ABCC11: variants seen among roughly 807,000 people sequenced by gnomAD.
The protein encoded by ABCC11 is ATP-binding cassette sub-family C member 11.
A neutral mutation model predicts 149.3 loss-of-function variants in ABCC11; 135 were observed. The ratio of observed to expected loss-of-function variants is 0.90; its 90% CI spans 0.79 to 1.04. The LOEUF (loss-of-function observed/expected upper bound fraction) is 1.04, where lower values mean the gene tolerates loss of function less well. Among genes scored for constraint, ABCC11 ranks in the 50% least tolerant of loss-of-function variants. The probability of loss-of-function intolerance (pLI) is 0.00; values close to 1 mark genes in which losing one functional copy is unlikely to be tolerated. For missense variants in ABCC11, 1,680 were observed against 1,722.1 expected (o/e 0.98, Z 0.43); for synonymous variants, 665 against 671.4 (o/e 0.99, Z 0.15).
Position 48,193,985 on chromosome 16 carries a change from G to A in ABCC11, c.2405-3C>T. On this transcript the variant is annotated splice_polypyrimidine_tract_variant and splice_region_variant and intron_variant, in intron 18 of 29. Transcript: ENST00000356608. ...AATTATGCAAGAGACCATGTAACCT[G>A]GGAGGGAGACAGTGGTGATGTACAA... 6.2e-7 allele frequency: 1 copy of A among 1,605,398 alleles called. No individual in the cohort carries two copies. Among genetic ancestry groups the A allele is most frequent in the Non-Finnish European group, 8.5e-7 (1 of 1,172,328 alleles).
chr16:48,234,147 G>A (rs1970567106), intron 1 of ABCC11, among the ~76,000 whole-genome samples: 1 of 152,152 alleles, frequency 6.6e-6, no homozygotes, highest in Admixed American at 6.5e-5. Flanking sequence ...ACCCATCATG[G>A]CCGATTTCGT....
At chr16:48,214,311 G>C (rs1400677909) in intron 9 of ABCC11, among the ~76,000 whole-genome samples, 1 of 152,038 alleles carries the variant, frequency 6.6e-6, no homozygotes, top group Non-Finnish European at 1.5e-5. Context: ...GCCAAGCAGA[G>C]GGGCCAGCCA....
intron 26 of ABCC11, among the ~76,000 whole-genome samples, chr16:48,171,773 G>A (rs970037301): frequency 6.6e-6 from 1 of 152,120 alleles, no homozygotes; most frequent in Admixed American, 6.5e-5. Context: ...AGACCAGCCT[G>A]GCCAACATGG....
chr16:48,171,610 A>C (rs1965728171), intron 26 of ABCC11, among the ~76,000 whole-genome samples: 1 of 152,252 alleles, frequency 6.6e-6, no homozygotes. Context: ...TGTACAATTC[A>C]GCAGCATTAA....
At chr16:48,230,856 T>C (rs1486181598) in intron 2 of ABCC11, among the ~76,000 whole-genome samples, 1 of 152,168 alleles carries the variant, frequency 6.6e-6, no homozygotes, top group Non-Finnish European at 1.5e-5. Flanking sequence ...GTGCCATAGT[T>C]AGTTACCTGC....
At chr16:48,185,397 G>A (rs1387496457) in intron 22 of ABCC11, among the ~76,000 whole-genome samples, 1 of 152,060 alleles carries the variant, frequency 6.6e-6, no homozygotes. Context: ...TTCCAACCAA[G>A]AAACCTACCA....
In ABCC11 at chr16:48,167,093, G is replaced by A; in HGVS notation, c.*181C>T. 1 of 601,984 alleles carries A rather than the reference G, an allele frequency of 1.7e-6. No homozygotes were observed. Among genetic ancestry groups the A allele is most frequent in the Non-Finnish European group, 3.0e-6 (1 of 335,026 alleles). 37.3% of individuals were successfully genotyped at this position (601,984 alleles called of 1,614,324 possible). A position where few individuals can be genotyped will look rare whatever the true frequency, so the allele number is the denominator to read the frequency against. On this transcript the variant is annotated 3_prime_UTR_variant, in exon 30 of 30. Coordinates refer to ENST00000356608, the MANE Select transcript of ABCC11 (RefSeq NM_001370497.1). ...GTTCTGGGGTTCTAAGGTCTTGAGA[G>A]CCATCAAGTAGCCTATTCCAGGGTT...
chr16:48,202,543 G>A (rs961022729), intron 14 of ABCC11, among the ~76,000 whole-genome samples: 3 of 151,810 alleles, frequency 2.0e-5, no homozygotes, highest in Non-Finnish European at 4.4e-5. Flanking sequence ...TCTGGGAGGT[G>A]GAGGTTGCAG....
intron 26 of ABCC11, among the ~76,000 whole-genome samples, chr16:48,172,469 C>T (rs72802152): frequency 6.7e-5 from 10 of 149,460 alleles, no homozygotes; most frequent in East Asian, 3.9e-4. Flanking sequence ...ACTCTGTCTA[C>T]GAGGCTGGAG....
chr16:48,172,902 A>T (rs1965811247), intron 26 of ABCC11, among the ~76,000 whole-genome samples: 1 of 152,200 alleles, frequency 6.6e-6, no homozygotes, highest in South Asian at 2.1e-4. Flanking sequence ...AACAGGCAGC[A>T]CTATAGACAC....
In ABCC11 at chr16:48,186,332, C is replaced by T. The variant is rs147068523; in HGVS notation, c.3071+621G>A. Among the ~76,000 whole-genome samples, 566 of 152,336 alleles carry T rather than the reference C, an allele frequency of 3.7e-3. 6 individuals carry two copies. The highest frequency in any genetic ancestry group is 0.013 in the African/African-American group (551 of 41,580). ...GAATTCCCAAGCAGTTTATCTGCCC[C>T]TCTCTTATGCTATCTACCTTCTTCA... On this transcript the variant is annotated intron_variant, in intron 22 of 29. Transcript: ENST00000356608.
intron 15 of ABCC11, among the ~76,000 whole-genome samples, chr16:48,198,759 C>A (rs1324401344): frequency 6.6e-6 from 1 of 151,368 alleles, no homozygotes; most frequent in East Asian, 1.9e-4. Context: ...AGTTATAAGG[C>A]TGGGTGCAGT....
intron 14 of ABCC11, among the ~76,000 whole-genome samples, chr16:48,201,424 G>C (rs1324342293): frequency 6.6e-6 from 1 of 151,868 alleles, no homozygotes; most frequent in Non-Finnish European, 1.5e-5. Flanking sequence ...GGGACTACAG[G>C]CGGTGCCATC....
Position 48,169,225 on chromosome 16 carries a change from G to A in ABCC11, c.3891+880C>T, listed in dbSNP as rs576767513. 2.6e-5 allele frequency among the ~76,000 whole-genome samples: 4 copies of A among 152,322 alleles called. No individual in the cohort carries two copies. In the South Asian group the frequency reaches 6.2e-4, roughly 24 times the overall value. ...AATGTGTTGTGTTTTTCTGAGAAAA[G>A]AGGATCATCATTTGGTCTAGTTGGA... On this transcript the variant is annotated intron_variant, in intron 28 of 29. Coordinates refer to ENST00000356608, the MANE Select transcript of ABCC11 (RefSeq NM_001370497.1).
chr16:48,201,748 G>A (rs1166848210), intron 14 of ABCC11, among the ~76,000 whole-genome samples: 1 of 152,142 alleles, frequency 6.6e-6, no homozygotes, highest in African/African-American at 2.4e-5. Flanking sequence ...CTTTACTGAC[G>A]CTGGAAGGAC....
In ABCC11 at chr16:48,178,685, A is replaced by G. The variant is rs139940513; in HGVS notation, c.3260T>C (p.Leu1087Pro). Reference sequence around the variant, plus strand: ...GGCAGTGGCCTGGAAGCTGGACGCCAGCTAGAAGGAAGGAGAAGTATCGGG... The same window carrying G: ...GGCAGTGGCCTGGAAGCTGGACGCCGGCTAGAAGGAAGGAGAAGTATCGGG... ...KVMAVNIVLQ[L>P]ASSFQATARI... Residue 1087 changes from leucine to proline, a missense_variant and splice_region_variant, in exon 24 of 30, where the codon CTG (leucine) becomes CCG (proline). Leu to Pro is a moderately conservative substitution (Grantham distance 98). Coordinates refer to ENST00000356608, the MANE Select transcript of ABCC11 (RefSeq NM_001370497.1). The G allele has an allele frequency of 6.2e-7, 1 of 1,614,114 alleles. No homozygotes were observed. Among genetic ancestry groups the G allele is most frequent in the Non-Finnish European group, 8.5e-7 (1 of 1,179,976 alleles).
At chr16:48,199,169 T>A (rs1032389900) in intron 15 of ABCC11, among the ~76,000 whole-genome samples, 3 of 151,726 alleles carry the variant, frequency 2.0e-5, no homozygotes, top group Admixed American at 6.6e-5. Flanking sequence ...TCTATAAAGT[T>A]TAAAAATATG....
chr16:48,209,098 G>C (rs1246041009), intron 11 of ABCC11, among the ~76,000 whole-genome samples: 2 of 152,150 alleles, frequency 1.3e-5, no homozygotes, highest in African/African-American at 2.4e-5. Context: ...GAAAGTTGGG[G>C]GTTGAGGCAA....
chr16:48,204,798 A>G (rs1265511738), intron 13 of ABCC11, among the ~76,000 whole-genome samples: 1 of 152,172 alleles, frequency 6.6e-6, no homozygotes, highest in Non-Finnish European at 1.5e-5. Context: ...GTTTTCCTGG[A>G]CCCTTCACTG....
Sources: gnomAD v4.1 joint callset for allele counts (sites outside exome capture counted in the v4.1 genomes callset) on GRCh38, gnomAD v4.1.1 for gene constraint, MANE v1.5 for transcripts, NCBI Gene and HGNC (gene_info 2026-07-23, HGNC 2026-07-21) for gene names.